The following COIL variants were observed in gnomAD, a reference collection of about 807,000 sequenced individuals.
The protein encoded by COIL is coilin p80.
Under a neutral mutation model 51.6 loss-of-function variants are expected in COIL, and 28 were observed. That is an observed-to-expected ratio of 0.54 (90% CI 0.40 to 0.74). The LOEUF is 0.74. Among genes scored for constraint, COIL ranks in the 30% least tolerant of loss-of-function variants. The pLI is 0.00. For synonymous variants in COIL, 233 were observed against 255.8 expected (o/e 0.91, Z 0.85); for missense variants, 667 against 685.9 (o/e 0.97, Z 0.31).
rs1567852646 is a variant in COIL, at chr17:56,949,767, T to A, written c.1354A>T (p.Asn452Tyr). 3 of 1,613,936 alleles carry A rather than the reference T, an allele frequency of 1.9e-6. No homozygotes were observed. The highest frequency in any genetic ancestry group is 2.5e-6 in the Non-Finnish European group (3 of 1,179,902). The change falls in exon 3 of 7, where the codon AAT (asparagine) becomes TAT (tyrosine). Residue 452 changes from asparagine to tyrosine, a missense_variant and splice_region_variant. Asn to Tyr is a moderately radical substitution (Grantham distance 143). Coordinates refer to ENST00000240316, the MANE Select transcript of COIL (RefSeq NM_004645.3). The part of the protein sequence containing the change: ...VVKNSSTIIQ[N>Y]PVETPKKDYS... ...TCCTTCTTGGGTGTCTCTACTGGAT[T>A]CTGAAAAACAGTGTTAGTCATGTGA... is the stretch of plus-strand genomic sequence containing the variant.
intron 4 of COIL, among the ~76,000 whole-genome samples, chr17:56,946,975 C>T (rs1311687323): frequency 6.6e-6 from 1 of 152,178 alleles, no homozygotes; most frequent in Non-Finnish European, 1.5e-5. Flanking sequence ...GTGATCACAA[C>T]CCCCCAGGAG....
rs1910095840 is a variant in COIL, at chr17:56,939,034, CAAG to C, written c.*34_*36del. On this transcript the variant is annotated 3_prime_UTR_variant, in exon 7 of 7. Coordinates refer to ENST00000240316, the MANE Select transcript of COIL (RefSeq NM_004645.3). ...TTTGGGTTATAGTCACTTTCACAAACAAGACATTCATAAACTATAAGGTGGAGA... is the reference window on the plus strand; with the variant it reads ...TTTGGGTTATAGTCACTTTCACAAACACATTCATAAACTATAAGGTGGAGA... 2 of 1,146,040 alleles carry C rather than the reference CAAG, an allele frequency of 1.7e-6. No individual in the cohort carries two copies. The highest frequency in any genetic ancestry group is 2.5e-6 in the Non-Finnish European group (2 of 786,096). The allele number at this position is 1,146,040 out of a possible 1,614,324, so 71.0% of individuals were successfully genotyped here.
intron 1 of COIL, among the ~76,000 whole-genome samples, chr17:56,960,500 G>A (rs543218027): frequency 7.9e-5 from 12 of 151,578 alleles, no homozygotes; most frequent in Non-Finnish European, 1.3e-4. Flanking sequence ...CTCCAGCCTG[G>A]GTGACAAAGC....
intron 1 of COIL, among the ~76,000 whole-genome samples, chr17:56,954,052 T>A (rs1294161041): frequency 9.9e-5 from 15 of 152,162 alleles, no homozygotes; most frequent in Admixed American, 8.5e-4. Flanking sequence ...GTAGCAATGA[T>A]CCAAGCTTCA....
At chr17:56,943,518 T>C (rs1045283789) in intron 5 of COIL, among the ~76,000 whole-genome samples, 3 of 152,198 alleles carry the variant, frequency 2.0e-5, no homozygotes, top group African/African-American at 7.2e-5. Context: ...ATTATACGTG[T>C]TGTAAAATGT....
intron 1 of COIL, among the ~76,000 whole-genome samples, chr17:56,954,617 C>CTG (rs990927600): frequency 3.9e-5 from 6 of 151,924 alleles, no homozygotes; most frequent in African/African-American, 1.5e-4. Flanking sequence ...AAGGTATGAC[C>CTG]TGTGATTCCT....
At chr17:56,955,869 G>A (rs1167343141) in intron 1 of COIL, among the ~76,000 whole-genome samples, 1 of 151,902 alleles carries the variant, frequency 6.6e-6, no homozygotes, top group Non-Finnish European at 1.5e-5. Flanking sequence ...TTTCTTCTAA[G>A]AATAAATCCA....
In COIL at chr17:56,950,708, T is replaced by G; in HGVS notation, c.534A>C (p.Glu178Asp). The change falls in exon 2 of 7, where the codon GAA (glutamate) becomes GAC (aspartate). Residue 178 changes from glutamate (E) to aspartate (D), a missense_variant. Transcript: ENST00000240316. ...TCTTTGGTGATTTTCTTTTGGCCTC[T>G]TCGTTATCATCACCCACTGTGCCAC... is the stretch of plus-strand genomic sequence containing the variant. ...ATCGTVGDDN[E>D]EAKRKSPKKK... 1 of 1,612,194 alleles carries G rather than the reference T, an allele frequency of 6.2e-7. No homozygotes were observed. The highest frequency in any genetic ancestry group is 8.5e-7 in the Non-Finnish European group (1 of 1,179,682).
At chr17:56,943,345 T>C (rs1448323363) in intron 5 of COIL, among the ~76,000 whole-genome samples, 7 of 152,228 alleles carry the variant, frequency 4.6e-5, no homozygotes, top group Non-Finnish European at 8.8e-5. Flanking sequence ...ACCACTTTCC[T>C]CATTTATGTC....
intron 5 of COIL, among the ~76,000 whole-genome samples, chr17:56,944,641 C>T (rs1910210772): frequency 6.6e-6 from 1 of 151,942 alleles, no homozygotes; most frequent in Non-Finnish European, 1.5e-5. Context: ...TAAACATTTA[C>T]TTAATATCAT....
In COIL at chr17:56,950,392, G is replaced by A; in HGVS notation, c.850C>T (p.Pro284Ser). The A allele has an allele frequency of 6.2e-7, 1 of 1,614,136 alleles. No homozygotes were observed. The highest frequency in any genetic ancestry group is 8.5e-7 in the Non-Finnish European group (1 of 1,180,038). Residue 284 changes from proline to serine, a missense_variant, in exon 2 of 7, where the codon CCC becomes TCC. Coordinates refer to ENST00000240316, the MANE Select transcript of COIL (RefSeq NM_004645.3). ...TCTGCAGTTGTATTTTTGGTAGAGGGTTCTTCCTTTGATAACTCAGTTGGT... is the reference window on the plus strand; with the variant it reads ...TCTGCAGTTGTATTTTTGGTAGAGGATTCTTCCTTTGATAACTCAGTTGGT... ...KLPTELSKEEPSTKNTTADKL... is the reference protein window; with the variant it reads ...KLPTELSKEESSTKNTTADKL...
At chr17:56,958,478 T>A (rs1234871024) in intron 1 of COIL, among the ~76,000 whole-genome samples, 1 of 152,224 alleles carries the variant, frequency 6.6e-6, no homozygotes, top group Non-Finnish European at 1.5e-5. Context: ...CTGAAGCCAC[T>A]AGAGAGGTAT....
At chr17:56,958,294 T>C (rs532169515) in intron 1 of COIL, among the ~76,000 whole-genome samples, 1 of 152,366 alleles carries the variant, frequency 6.6e-6, no homozygotes, top group African/African-American at 2.4e-5. Context: ...AGACTCATTA[T>C]TTGGGTCCCA....
chr17:56,942,576 C>A (rs576983130), intron 5 of COIL, among the ~76,000 whole-genome samples: 1 of 151,956 alleles, frequency 6.6e-6, no homozygotes, highest in Non-Finnish European at 1.5e-5. Flanking sequence ...AGTGTAGTGG[C>A]GCAATCTCGA....
chr17:56,943,710 G>C lies in COIL; in HGVS notation c.1559-1587C>G, dbSNP rs76174310. Among the ~76,000 whole-genome samples the C allele has an allele frequency of 8.0e-3, 1,214 of 152,246 alleles. 18 individuals are homozygous for C. The highest frequency in any genetic ancestry group is 0.028 in the African/African-American group (1,160 of 41,532). The stretch of plus-strand genomic sequence containing the variant: ...GTTATATAGTGATATGTGGACTAAA[G>C]AGCTAGCAGTACTTCATGCACTTAC... On this transcript the variant is annotated intron_variant, in intron 5 of 6. Coordinates refer to ENST00000240316, the MANE Select transcript of COIL (RefSeq NM_004645.3).
Position 56,950,227 on chromosome 17 carries a change from C to T in COIL, c.1015G>A (p.Gly339Ser). 5.0e-6 allele frequency: 8 copies of T among 1,614,204 alleles called. No individual in the cohort carries two copies. Among genetic ancestry groups the T allele is most frequent in the Non-Finnish European group, 5.9e-6 (7 of 1,180,046 alleles). The change falls in exon 2 of 7, where the codon GGT becomes AGT. Residue 339 changes from glycine (G) to serine (S), a missense_variant. Gly to Ser is a moderately conservative substitution (Grantham distance 56). Coordinates refer to ENST00000240316, the MANE Select transcript of COIL (RefSeq NM_004645.3). Reference sequence around the variant, plus strand: ...AAAAGGCCTACTGTCTTTAAGAAACCCGCAGCACACTCCGGGGTGCTCGAT... The same window carrying T: ...AAAAGGCCTACTGTCTTTAAGAAACTCGCAGCACACTCCGGGGTGCTCGAT... ...MSSSTPECAAGFLKTVGLFAG... is the reference protein window; with the variant it reads ...MSSSTPECAASFLKTVGLFAG...
At chr17:56,960,089 T>A (rs1910557290) in intron 1 of COIL, among the ~76,000 whole-genome samples, 1 of 152,088 alleles carries the variant, frequency 6.6e-6, no homozygotes, top group Non-Finnish European at 1.5e-5. Context: ...CCGGGCATGG[T>A]GGCGCCCGCC....
At chr17:56,960,747 CG>C (rs972712926) in intron 1 of COIL, 27 bp downstream of exon 1, 2 of 1,500,696 alleles carry the variant, frequency 1.3e-6, no homozygotes, top group Admixed American at 2.4e-5. Flanking sequence ...GCCGCCCACC[CG>C]GCCGTCCCGC....
Position 56,938,797 on chromosome 17 carries a change from A to C in COIL, c.*274T>G. ...TGGCCAAAAACATTTAAAGAAAGAG[A>C]AGAAACCATACTGGTATACAACAAT... is the stretch of plus-strand genomic sequence containing the variant. On this transcript the variant is annotated 3_prime_UTR_variant, in exon 7 of 7. Transcript: ENST00000240316. The C allele has an allele frequency of 4.0e-6, 1 of 250,510 alleles. No homozygotes were observed. 15.5% of individuals were successfully genotyped at this position (250,510 alleles called of 1,614,324 possible). A position where few individuals can be genotyped will look rare whatever the true frequency, so the allele number is the denominator to read the frequency against.
Sources: allele counts gnomAD v4.1 joint callset (sites outside exome capture counted in the v4.1 genomes callset), GRCh38; gene constraint gnomAD v4.1.1; transcripts MANE v1.5; gene names NCBI Gene and HGNC (gene_info 2026-07-23, HGNC 2026-07-21).